Variants in TRAPPC9 observed in about 807,000 individuals in gnomAD.
TRAPPC9 encodes trafficking protein particle complex subunit 9, also known as IKK2 binding protein.
TRAPPC9 carries 83 observed loss-of-function variants against 124.0 expected under a neutral mutation model. The ratio of observed to expected loss-of-function variants is 0.67; its 90% CI spans 0.56 to 0.80. The LOEUF (loss-of-function observed/expected upper bound fraction) is 0.80, where lower values mean the gene tolerates loss of function less well. TRAPPC9 is among the 30% of genes least tolerant of loss of function. The pLI is 0.00. For missense variants in TRAPPC9, 1,302 were observed against 1,508.3 expected, an observed-to-expected ratio of 0.86 and a Z score of 2.27; for synonymous variants, 638 against 617.5, an observed-to-expected ratio of 1.03 and a Z score of -0.49.
chr8:140,421,233 T>C (rs2070192237), intron 5 of TRAPPC9, among the ~76,000 whole-genome samples: 1 of 152,170 alleles, frequency 6.6e-6, no homozygotes, highest in African/African-American at 2.4e-5. Context: ...AAGACGGAAA[T>C]ACATGCATGA....
chr8:139,792,443 G>A (rs897757358), intron 21 of TRAPPC9, among the ~76,000 whole-genome samples: 2 of 152,218 alleles, frequency 1.3e-5, no homozygotes, highest in African/African-American at 4.8e-5. Flanking sequence ...GCTGCGTGTG[G>A]GCCTGGCATG....
At chr8:140,045,650 A>AAC (rs1554614218) in intron 17 of TRAPPC9, among the ~76,000 whole-genome samples, 44,631 of 111,478 alleles carry the variant, frequency 0.4, 11,445 homozygotes, top group Middle Eastern at 0.51. Flanking sequence ...AAAAAAAAAA[A>AAC]AAAAAAAAAC....
intron 16 of TRAPPC9, among the ~76,000 whole-genome samples, chr8:140,226,591 CA>C (rs35750675): frequency 0.41 from 42,362 of 102,770 alleles, 7,711 homozygotes; most frequent in Middle Eastern, 0.55. Flanking sequence ...GACTCGGTCT[CA>C]AAAAAAAAAA....
intron 6 of TRAPPC9, among the ~76,000 whole-genome samples, chr8:140,404,269 C>T (rs2069390322): frequency 6.6e-6 from 1 of 151,922 alleles, no homozygotes; most frequent in South Asian, 2.1e-4. Flanking sequence ...TACAAGAACA[C>T]AAGAATATAG....
intron 9 of TRAPPC9, among the ~76,000 whole-genome samples, chr8:140,327,126 G>A (rs1337692206): frequency 6.6e-6 from 1 of 152,062 alleles, no homozygotes; most frequent in East Asian, 1.9e-4. Flanking sequence ...GGTGGTGTGA[G>A]CCTGTTGTCC....
chr8:140,274,493 C>T (rs994545243), intron 15 of TRAPPC9, among the ~76,000 whole-genome samples: 3 of 152,306 alleles, frequency 2.0e-5, no homozygotes, highest in Admixed American at 6.5e-5. Flanking sequence ...ACAATGCGGA[C>T]GCAAAGCTTC....
chr8:140,339,071 G>A (rs1259039433), intron 9 of TRAPPC9, among the ~76,000 whole-genome samples: 6 of 145,044 alleles, frequency 4.1e-5, no homozygotes, highest in South Asian at 4.5e-4. Context: ...GCCACCAGAC[G>A]GCCACCTACA....
chr8:139,885,533 A>G (rs930045299), intron 21 of TRAPPC9, among the ~76,000 whole-genome samples: 3 of 152,180 alleles, frequency 2.0e-5, no homozygotes, highest in Non-Finnish European at 2.9e-5. Flanking sequence ...CCCGCCAGAC[A>G]CAGTCAATTG....
At chr8:140,160,256 G>A (rs1418639143) in intron 17 of TRAPPC9, among the ~76,000 whole-genome samples, 1 of 152,164 alleles carries the variant, frequency 6.6e-6, no homozygotes, top group Non-Finnish European at 1.5e-5. Flanking sequence ...CAAGGATCTA[G>A]AACTAGAAAT....
intron 18 of TRAPPC9, among the ~76,000 whole-genome samples, chr8:139,993,446 C>T (rs1014875800): frequency 9.2e-5 from 14 of 152,150 alleles, no homozygotes; most frequent in African/African-American, 3.1e-4. Context: ...ACAGGAAATA[C>T]GGGAATTCCT....
At chr8:140,194,398 T>G (rs1423804552) in intron 17 of TRAPPC9, among the ~76,000 whole-genome samples, 1 of 152,204 alleles carries the variant, frequency 6.6e-6, no homozygotes, top group Non-Finnish European at 1.5e-5. Context: ...ACTCTCTAGA[T>G]TTATTATACC....
chr8:140,163,439 G>C, intron 17 of TRAPPC9, among the ~76,000 whole-genome samples: 1 of 152,202 alleles, frequency 6.6e-6, no homozygotes, highest in Non-Finnish European at 1.5e-5. Context: ...CAGTTTTCTG[G>C]ATGGTATTGC....
chr8:140,249,173 A>AC (rs11382806), intron 16 of TRAPPC9, among the ~76,000 whole-genome samples: 32,580 of 151,812 alleles, frequency 0.21, 4,126 homozygotes, highest in African/African-American at 0.36. Flanking sequence ...TCCCTCCCTG[A>AC]CCCCTCACTC....
intron 7 of TRAPPC9, among the ~76,000 whole-genome samples, chr8:140,385,814 T>G (rs1364874442): frequency 6.6e-6 from 1 of 152,224 alleles, no homozygotes; most frequent in Non-Finnish European, 1.5e-5. Context: ...CTAACTCATT[T>G]TATGAGGCCA....
chr8:140,138,667 A>G (rs1018845558), intron 17 of TRAPPC9, among the ~76,000 whole-genome samples: 1 of 152,200 alleles, frequency 6.6e-6, no homozygotes, highest in Non-Finnish European at 1.5e-5. Flanking sequence ...CAGAACAGTA[A>G]GCGCATTCTG....
chr8:139,748,608 G>T (rs901360614), intron 21 of TRAPPC9, among the ~76,000 whole-genome samples: 1 of 151,932 alleles, frequency 6.6e-6, no homozygotes, highest in African/African-American at 2.4e-5. Context: ...GTACTGAGGG[G>T]CTGCAGCTGG....
chr8:139,776,593 G>A lies in TRAPPC9; in HGVS notation c.3056-44391C>T, dbSNP rs963574182. ...TCATTCGCAGCTGTGTTCTGAACCT[G>A]GACTCCGCCACATGGCTCGGAGCCT... On this transcript the variant is annotated intron_variant, in intron 21 of 22. Coordinates refer to ENST00000438773, the MANE Select transcript of TRAPPC9 (RefSeq NM_001160372.4). This position sits in a 1 kb window ranked among gnomAD's most constrained non-coding sequence, Gnocchi z 4.1. Among the ~76,000 whole-genome samples, 1 of 152,180 alleles carries A rather than the reference G, an allele frequency of 6.6e-6. No individual in the cohort carries two copies. Among genetic ancestry groups the A allele is most frequent in the African/African-American group, 2.4e-5 (1 of 41,458 alleles).
At chr8:139,836,634 GAA>G (rs540512886) in intron 21 of TRAPPC9, among the ~76,000 whole-genome samples, 72 of 152,362 alleles carry the variant, frequency 4.7e-4, no homozygotes, top group Non-Finnish European at 7.8e-4. Flanking sequence ...AAAAAGAACT[GAA>G]GAGAGATGGG....
chr8:140,386,144 A>C (rs1199650807), intron 7 of TRAPPC9, among the ~76,000 whole-genome samples: 2 of 152,210 alleles, frequency 1.3e-5, no homozygotes, highest in African/African-American at 4.8e-5. Context: ...CTCTCAATAA[A>C]TTAGGTATTG....
Sources: allele counts gnomAD v4.1 joint callset (sites outside exome capture counted in the v4.1 genomes callset), GRCh38; gene constraint gnomAD v4.1.1; non-coding constraint Gnocchi (gnomAD v3.1); transcripts MANE v1.5; gene names NCBI Gene and HGNC (gene_info 2026-07-23, HGNC 2026-07-21).